Variants in COG5 observed in about 807,000 individuals in gnomAD.
COG5 encodes conserved oligomeric Golgi complex subunit 5.
COG5 carries 86 observed loss-of-function variants against 110.4 expected under a neutral mutation model. The observed-to-expected ratio is 0.78, with a 90% CI of 0.65 to 0.93. The LOEUF is 0.93. Among genes scored for constraint, COG5 ranks in the 40% least tolerant of loss-of-function variants. The probability of loss-of-function intolerance (pLI) is 0.00; values close to 1 mark genes in which losing one functional copy is unlikely to be tolerated. For synonymous variants in COG5, 360 were observed against 334.6 expected, an observed-to-expected ratio of 1.08 and a Z score of -0.83; for missense variants, 1,077 against 987.0, an observed-to-expected ratio of 1.09 and a Z score of -1.22.
At chr7:107,397,718 A>T (rs1254431371) in intron 7 of COG5, among the ~76,000 whole-genome samples, 2 of 152,226 alleles carry the variant, frequency 1.3e-5, no homozygotes, top group East Asian at 3.9e-4. Flanking sequence ...TTGATGAGTT[A>T]AAGTTCTTTA....
chr7:107,395,760 G>T (rs1790956342), intron 7 of COG5, among the ~76,000 whole-genome samples: 1 of 151,848 alleles, frequency 6.6e-6, no homozygotes, highest in African/African-American at 2.4e-5. Flanking sequence ...TTTCTATGTT[G>T]ATCAGGCTGG....
At chr7:107,490,491 C>T (rs1403120749) in intron 6 of COG5, among the ~76,000 whole-genome samples, 1 of 151,956 alleles carries the variant, frequency 6.6e-6, no homozygotes, top group East Asian at 1.9e-4. Flanking sequence ...TTTGAGCACA[C>T]AGAAGTAGAA....
At chr7:107,319,189 A>G (rs1048313152) in intron 11 of COG5, among the ~76,000 whole-genome samples, 26 of 151,454 alleles carry the variant, frequency 1.7e-4, no homozygotes, top group Non-Finnish European at 3.1e-4. Flanking sequence ...TCTTCTTGAT[A>G]CTGTCCATTT....
At chr7:107,444,122 T>C (rs1430584051) in intron 6 of COG5, among the ~76,000 whole-genome samples, 2 of 152,182 alleles carry the variant, frequency 1.3e-5, no homozygotes, top group African/African-American at 4.8e-5. Context: ...CTCTGTTGTT[T>C]CTTAATCTTC....
chr7:107,298,282 G>T lies in COG5; in HGVS notation c.1173C>A (p.Asp391Glu), dbSNP rs749806249. 1 of 1,613,478 alleles carries T rather than the reference G, an allele frequency of 6.2e-7. No homozygotes were observed. The highest frequency in any genetic ancestry group is 2.2e-5 in the East Asian group (1 of 44,798). ...EYPKLLRLYN[D>E]LWKRLQQYSQ... The stretch of plus-strand genomic sequence containing the variant: ...TGTATTGTTGAAGACGCTTCCATAA[G>T]TCATTATAAAGACGTAATAATTTAG... The change falls in exon 12 of 22, where the codon GAC becomes GAA. Residue 391 changes from aspartate to glutamate, a missense_variant. Physicochemically the swap from Asp to Glu is conservative, Grantham distance 45. Coordinates refer to ENST00000297135, the MANE Select transcript of COG5 (RefSeq NM_006348.5).
At chr7:107,377,681 A>G (rs1314697506) in intron 7 of COG5, among the ~76,000 whole-genome samples, 1 of 152,226 alleles carries the variant, frequency 6.6e-6, no homozygotes, top group Non-Finnish European at 1.5e-5. Context: ...TAGTTTCCTC[A>G]TGTGCATAAC....
chr7:107,485,163 A>G (rs1405616442), intron 6 of COG5, among the ~76,000 whole-genome samples: 1 of 152,218 alleles, frequency 6.6e-6, no homozygotes, highest in African/African-American at 2.4e-5. Context: ...TTGAATAGCC[A>G]CCAGAGCTGA....
intron 21 of COG5, 140 bp downstream of exon 21, chr7:107,210,386 C>G: frequency 6.8e-7 from 1 of 1,467,906 alleles, no homozygotes; most frequent in Non-Finnish European, 9.0e-7. Flanking sequence ...GCACCCGTGC[C>G]TAGGCAGTGA....
intron 7 of COG5, among the ~76,000 whole-genome samples, chr7:107,383,009 G>A (rs1463810678): frequency 1.6e-4 from 24 of 152,056 alleles, no homozygotes; most frequent in Admixed American, 1.6e-3. Flanking sequence ...CTAAAATCCT[G>A]CAAATCCTGC....
chr7:107,303,528 A>G (rs957608961), intron 11 of COG5, among the ~76,000 whole-genome samples: 2 of 152,064 alleles, frequency 1.3e-5, no homozygotes, highest in African/African-American at 4.8e-5. Flanking sequence ...CATGGGCTTA[A>G]GCAATCCTAC....
intron 14 of COG5, among the ~76,000 whole-genome samples, chr7:107,266,031 G>C (rs931925989): frequency 5.9e-5 from 9 of 152,218 alleles, no homozygotes; most frequent in Non-Finnish European, 1.0e-4. Flanking sequence ...CAGCCTGGGT[G>C]ACAGACCCTG....
Position 107,203,403 on chromosome 7 carries a change from C to T in COG5, c.*113G>A, listed in dbSNP as rs1798501663. The stretch of plus-strand genomic sequence containing the variant: ...ATAAACGTCGATAGGAAATACCGAA[C>T]AATCAATTACATTCTTAAAATAGTA... On this transcript the variant is annotated 3_prime_UTR_variant, in exon 22 of 22. Transcript: ENST00000297135. The T allele has an allele frequency of 1.3e-6, 1 of 775,464 alleles. No homozygotes were observed. The highest frequency in any genetic ancestry group is 2.3e-6 in the Non-Finnish European group (1 of 434,006). The allele number at this position is 775,464 out of a possible 1,614,324, so 48.0% of individuals were successfully genotyped here.
chr7:107,465,170 G>A (rs1365047679), intron 6 of COG5, among the ~76,000 whole-genome samples: 1 of 152,044 alleles, frequency 6.6e-6, no homozygotes, highest in East Asian at 1.9e-4. Flanking sequence ...CATGTTTCAG[G>A]AAAAAGTAAA....
intron 6 of COG5, among the ~76,000 whole-genome samples, chr7:107,462,502 G>A (rs1206494331): frequency 6.6e-6 from 1 of 151,988 alleles, no homozygotes; most frequent in African/African-American, 2.4e-5. Context: ...CTTTAATATG[G>A]GGGGTAAGGG....
At chr7:107,251,449 T>C (rs376030546) in intron 16 of COG5, among the ~76,000 whole-genome samples, 1 of 152,188 alleles carries the variant, frequency 6.6e-6, no homozygotes, top group Non-Finnish European at 1.5e-5. Flanking sequence ...GCTCTGCCTA[T>C]GAAGTATCCA....
At chr7:107,280,422 T>A (rs1379911144) in intron 14 of COG5, among the ~76,000 whole-genome samples, 2 of 152,078 alleles carry the variant, frequency 1.3e-5, no homozygotes, top group Non-Finnish European at 2.9e-5. Flanking sequence ...CAACTTACCC[T>A]AAAAATTATC....
Position 107,203,494 on chromosome 7 carries a change from G to A in COG5, c.*22C>T. 6.5e-7 allele frequency: 1 copy of A among 1,528,396 alleles called. No individual in the cohort carries two copies. Among genetic ancestry groups the A allele is most frequent in the Non-Finnish European group, 9.1e-7 (1 of 1,101,930 alleles). The allele number at this position is 1,528,396 out of a possible 1,614,324, so 94.7% of individuals were successfully genotyped here. A position where few individuals can be genotyped will look rare whatever the true frequency, so the allele number is the denominator to read the frequency against. On this transcript the variant is annotated 3_prime_UTR_variant, in exon 22 of 22. Transcript: ENST00000297135. ...TATGAATGGGTTAGCACAAAGTGGA[G>A]ATGAACAAAGATTTCATGTCATTAC...
At chr7:107,331,291 C>T (rs1478665323) in intron 10 of COG5, among the ~76,000 whole-genome samples, 2 of 151,984 alleles carry the variant, frequency 1.3e-5, no homozygotes, top group African/African-American at 4.8e-5. Flanking sequence ...CATTATGAAA[C>T]ACCATCTCTA....
At chr7:107,561,223 A>G (rs1803748034) in intron 1 of COG5, among the ~76,000 whole-genome samples, 1 of 152,226 alleles carries the variant, frequency 6.6e-6, no homozygotes, top group Non-Finnish European at 1.5e-5. Context: ...AGGGCATATC[A>G]GAAACACCTC....
Sources: allele counts gnomAD v4.1 joint callset (sites outside exome capture counted in the v4.1 genomes callset), GRCh38; gene constraint gnomAD v4.1.1; transcripts MANE v1.5; gene names NCBI Gene and HGNC (gene_info 2026-07-23, HGNC 2026-07-21).